The following TCERG1L variants were observed in gnomAD, a reference collection of about 807,000 sequenced individuals.
The protein encoded by TCERG1L is transcription elongation regulator 1 like.
Under a neutral mutation model 56.3 loss-of-function variants are expected in TCERG1L, and 37 were observed. That is an observed-to-expected ratio of 0.66 (90% CI 0.51 to 0.87). The LOEUF is 0.87. Ranked by LOEUF, TCERG1L falls within the 40% of genes least tolerant of loss-of-function variation. The pLI is 0.00. For synonymous variants in TCERG1L, 324 were observed against 326.3 expected, an observed-to-expected ratio of 0.99 and a Z score of 0.08; for missense variants, 799 against 774.2, an observed-to-expected ratio of 1.03 and a Z score of -0.38.
At chr10:131,157,394 G>A (rs12569701) in intron 6 of TCERG1L, among the ~76,000 whole-genome samples, 3,885 of 152,188 alleles carry the variant, frequency 0.026, 204 homozygotes, top group East Asian at 0.24. Flanking sequence ...TATTTTAAAT[G>A]ATTTTAAGAT....
rs1276756564 is a variant in TCERG1L at position 131,111,219 on chromosome 10, C to T, written c.1395+5580G>A. On this transcript the variant is annotated intron_variant, in intron 9 of 11. Transcript: ENST00000368642. Reference sequence around the variant, plus strand: ...GGCTGGGCTCAGCCGGGCACACTCACGTGCATCTGCAGAAACGTGTGTCTG... The same window carrying T: ...GGCTGGGCTCAGCCGGGCACACTCATGTGCATCTGCAGAAACGTGTGTCTG... Among the ~76,000 whole-genome samples the T allele has an allele frequency of 5.6e-5, 8 of 142,764 alleles. 3 individuals carry two copies. The highest frequency in any genetic ancestry group is 2.0e-4 in the African/African-American group (8 of 40,456). 93.7% of individuals were successfully genotyped at this position (142,764 alleles called of 152,430 possible).
intron 4 of TCERG1L, among the ~76,000 whole-genome samples, chr10:131,202,646 C>T (rs1006285574): frequency 2.6e-5 from 4 of 152,180 alleles, no homozygotes; most frequent in Non-Finnish European, 5.9e-5. Flanking sequence ...TTAAGGTACA[C>T]TGCTAAGTAA....
chr10:131,215,896 A>G (rs1219968218), intron 4 of TCERG1L, among the ~76,000 whole-genome samples: 1 of 152,186 alleles, frequency 6.6e-6, no homozygotes, highest in Non-Finnish European at 1.5e-5. Context: ...GAAAGCACAG[A>G]GCAACCAGCT....
At chr10:131,275,335 C>A (rs778666209) in intron 3 of TCERG1L, among the ~76,000 whole-genome samples, 1 of 152,212 alleles carries the variant, frequency 6.6e-6, no homozygotes, top group African/African-American at 2.4e-5. Context: ...ACTCTCCCTG[C>A]CTCAGCAAAA....
chr10:131,216,641 G>A (rs2133493715), intron 4 of TCERG1L, among the ~76,000 whole-genome samples: 1 of 152,308 alleles, frequency 6.6e-6, no homozygotes, highest in Admixed American at 6.5e-5. Context: ...GGACAGAATT[G>A]GAGAGGGGAT....
chr10:131,139,720 A>C (rs954014285), intron 7 of TCERG1L, among the ~76,000 whole-genome samples: 2 of 149,076 alleles, frequency 1.3e-5, no homozygotes, highest in African/African-American at 5.0e-5. Flanking sequence ...GTCTGTGTGT[A>C]TGTGTGCCTG....
intron 6 of TCERG1L, among the ~76,000 whole-genome samples, chr10:131,154,541 C>T (rs1261113506): frequency 6.6e-6 from 1 of 152,232 alleles, no homozygotes; most frequent in Admixed American, 6.5e-5. Flanking sequence ...ATGCCCTTTG[C>T]CGTCTTCTCT....
At chr10:131,297,294 T>C (rs931377988) in intron 3 of TCERG1L, among the ~76,000 whole-genome samples, 5 of 152,234 alleles carry the variant, frequency 3.3e-5, no homozygotes, top group Admixed American at 1.3e-4. Flanking sequence ...GAATGGATGG[T>C]GAATTTGACA....
At chr10:131,116,397 C>T (rs1845459606) in intron 9 of TCERG1L, among the ~76,000 whole-genome samples, 1 of 152,162 alleles carries the variant, frequency 6.6e-6, no homozygotes, top group Admixed American at 6.5e-5. Context: ...GTGGGTGCTC[C>T]CTCAGGCCAC....
At chr10:131,246,350 G>T (rs1335872770) in intron 4 of TCERG1L, among the ~76,000 whole-genome samples, 5 of 152,132 alleles carry the variant, frequency 3.3e-5, no homozygotes, top group African/African-American at 1.2e-4. Flanking sequence ...AGCAAGGAGA[G>T]AAGAGGGGCA....
At chr10:131,168,444 C>A (rs530132142) in intron 4 of TCERG1L, among the ~76,000 whole-genome samples, 2 of 152,196 alleles carry the variant, frequency 1.3e-5, no homozygotes, top group Admixed American at 6.5e-5. Flanking sequence ...GCAAGGCATC[C>A]CTCCCCAGCA....
chr10:131,275,904 C>T (rs772145396), intron 3 of TCERG1L, among the ~76,000 whole-genome samples: 2 of 152,138 alleles, frequency 1.3e-5, no homozygotes, highest in Admixed American at 6.5e-5. Context: ...GGCATGACAA[C>T]GTGCACGCAC....
rs74895120 is a variant in TCERG1L, at chr10:131,117,652, C to G, written c.1260-718G>C. Among the ~76,000 whole-genome samples, 54 of 152,298 alleles carry G rather than the reference C, an allele frequency of 3.5e-4. No homozygotes were observed. The East Asian group carries it at 9.3e-3, about 26-fold the overall frequency. ...GGTGGGGAGGAAGGGAGGGACCCCA[C>G]GAGCTGACCATGCCGGGCTGGGCAG... On this transcript the variant is annotated intron_variant, in intron 8 of 11. Transcript: ENST00000368642.
chr10:131,143,595 C>T (rs1845762236), intron 7 of TCERG1L, among the ~76,000 whole-genome samples: 1 of 152,048 alleles, frequency 6.6e-6, no homozygotes, highest in Non-Finnish European at 1.5e-5. Context: ...GGGGTTTCTG[C>T]CGTCACTACC....
chr10:131,198,886 C>T (rs1419833140), intron 4 of TCERG1L, among the ~76,000 whole-genome samples: 1 of 152,252 alleles, frequency 6.6e-6, no homozygotes, highest in Non-Finnish European at 1.5e-5. Context: ...GAGGCAGCGC[C>T]ACGTGGACAA....
At chr10:131,150,830 A>G (rs976969303) in intron 6 of TCERG1L, among the ~76,000 whole-genome samples, 2 of 152,192 alleles carry the variant, frequency 1.3e-5, no homozygotes, top group African/African-American at 4.8e-5. Flanking sequence ...TTATAAAGAA[A>G]AGAGGTTTAA....
At chr10:131,279,553 C>T (rs11017859) in intron 3 of TCERG1L, among the ~76,000 whole-genome samples, 5,906 of 152,238 alleles carry the variant, frequency 0.039, 196 homozygotes, top group Middle Eastern at 0.068. Flanking sequence ...TGACATCTGG[C>T]GAGACAAGCT....
intron 4 of TCERG1L, among the ~76,000 whole-genome samples, chr10:131,212,832 A>G (rs2133489929): frequency 1.3e-5 from 2 of 152,360 alleles, no homozygotes; most frequent in South Asian, 4.1e-4. Flanking sequence ...ATAGTTTAAA[A>G]CAGGACTGTG....
At chr10:131,111,365 C>T (rs1463725781) in intron 9 of TCERG1L, among the ~76,000 whole-genome samples, 1 of 142,910 alleles carries the variant, frequency 7.0e-6, no homozygotes, top group African/African-American at 2.5e-5. Flanking sequence ...ACAGGGCCCC[C>T]AAACATGGCG....
Sources: gnomAD v4.1 joint callset for allele counts (sites outside exome capture counted in the v4.1 genomes callset) on GRCh38, gnomAD v4.1.1 for gene constraint, MANE v1.5 for transcripts, NCBI Gene and HGNC (gene_info 2026-07-23, HGNC 2026-07-21) for gene names.